INTS3: variants seen among roughly 807,000 people sequenced by gnomAD.
The protein encoded by INTS3 is SOSS complex subunit A.
Under a neutral mutation model 146.3 loss-of-function variants are expected in INTS3, and 34 were observed. The observed-to-expected ratio is 0.23, with a 90% confidence interval of 0.18 to 0.31. The LOEUF is 0.31. Among genes scored for constraint, INTS3 ranks in the 10% least tolerant of loss-of-function variants. The pLI, the probability that INTS3 is intolerant of heterozygous loss-of-function variation, is 1.00. For missense variants in INTS3, 757 were observed against 1,304.2 expected, an observed-to-expected ratio of 0.58 and a Z score of 6.46; for synonymous variants, 475 against 494.9, an observed-to-expected ratio of 0.96 and a Z score of 0.53.
chr1:153,750,516 A>G lies in INTS3; in HGVS notation c.585-579A>G, dbSNP rs369935386. On this transcript the variant is annotated intron_variant, in intron 6 of 29. Transcript: ENST00000318967. ...AGTGGGGACTCGTTGTGTATCAGTG[A>G]CTAGATAGAGCCAGGGAAAGGTTTG... 9.9e-5 allele frequency among the ~76,000 whole-genome samples: 15 copies of G among 152,234 alleles called. No homozygotes were observed. In the South Asian group the frequency reaches 2.9e-3, roughly 29 times the overall value.
Position 153,757,586 on chromosome 1 carries a change from A to G in INTS3, c.972A>G (p.Gln324=), listed in dbSNP as rs755029012. 3.1e-6 allele frequency: 5 copies of G among 1,613,806 alleles called. No homozygotes were observed. Among genetic ancestry groups the G allele is most frequent in the East Asian group, 2.2e-5 (1 of 44,874 alleles). ...LFMTSRVRFG[Q]QKRYQDWFQR... is the part of the protein sequence containing the mutation. ...CCTTTCCCCAGGTGCGATTTGGTCA[A>G]CAAAAGCGATACCAAGATTGGTTCC... The change falls in exon 10 of 30, where the codon CAA becomes CAG. Residue 324 remains glutamine (Q), a synonymous_variant. Transcript: ENST00000318967. This position sits in a 1 kb window ranked among gnomAD's most constrained non-coding sequence, Gnocchi z 4.0.
At position 153,728,601 on chromosome 1, in the gene INTS3, C is replaced by T. The variant is rs1439621957; in HGVS notation, c.-34C>T. 5 of 1,588,358 alleles carry T rather than the reference C, an allele frequency of 3.1e-6. No homozygotes were observed. The highest frequency in any genetic ancestry group is 8.5e-7 in the Non-Finnish European group (1 of 1,170,774). ...ATATCTAGGACTGTCCATCCATCCA[C>T]TCCCTGACCTTTTCCCGGCTCCTGG... On this transcript the variant is annotated 5_prime_UTR_variant, in exon 1 of 30. Transcript: ENST00000318967.
chr1:153,748,673 C>T lies in INTS3; in HGVS notation c.518-16C>T. 6.2e-7 allele frequency: 1 copy of T among 1,609,754 alleles called. No individual in the cohort carries two copies. Among genetic ancestry groups the T allele is most frequent in the Non-Finnish European group, 8.5e-7 (1 of 1,176,066 alleles). ...TGCTAATCGGAGCTATTCTTTTTTT[C>T]CCCTTTTGAAATCAGGTGGAGATGT... On this transcript the variant is annotated splice_polypyrimidine_tract_variant and intron_variant, in intron 5 of 29. Coordinates refer to ENST00000318967, the MANE Select transcript of INTS3 (RefSeq NM_023015.5).
intron 2 of INTS3, among the ~76,000 whole-genome samples, chr1:153,741,018 A>G (rs1270803700): frequency 1.3e-5 from 2 of 152,200 alleles, no homozygotes; most frequent in Admixed American, 1.3e-4. Context: ...ATAGTGCACT[A>G]TAGCCTTGAA....
intron 11 of INTS3, chr1:153,759,959 G>A (rs1672310672): frequency 2.0e-6 from 1 of 489,440 alleles, no homozygotes; most frequent in Admixed American, 3.6e-5. Flanking sequence ...AGGGCTACAA[G>A]CTGTTTCGGG....
In INTS3 at chr1:153,772,620, C is replaced by T. The variant is rs751467638; in HGVS notation, c.2822-19C>T. The T allele has an allele frequency of 1.2e-6, 2 of 1,614,204 alleles. No homozygotes were observed. The highest frequency in any genetic ancestry group is 4.5e-5 in the East Asian group (2 of 44,884). On this transcript the variant is annotated intron_variant, in intron 27 of 29. Coordinates refer to ENST00000318967, the MANE Select transcript of INTS3 (RefSeq NM_023015.5). The surrounding 1 kb of genome is among the most constrained non-coding windows in gnomAD (Gnocchi z 4.6). ...ATCTGATTGTTTTTCCTTCCCTGCT[C>T]TCCCTTTTCTTCCTCTAGTTTTTAG...
chr1:153,772,905 C>T lies in INTS3; in HGVS notation c.2895-20C>T. On this transcript the variant is annotated intron_variant, in intron 28 of 29. Transcript: ENST00000318967. The surrounding 1 kb of genome is among the most constrained non-coding windows in gnomAD (Gnocchi z 4.6). ...GAGCAGCAGGCTCCCACTCAAAGAG[C>T]TACCGCTCCTTTTCCTTAGATTCAG... The T allele has an allele frequency of 6.2e-7, 1 of 1,613,940 alleles. No homozygotes were observed. The highest frequency in any genetic ancestry group is 8.5e-7 in the Non-Finnish European group (1 of 1,179,946).
intron 4 of INTS3, 73 bp from the exon 5 acceptor site, chr1:153,747,206 G>A: frequency 7.2e-7 from 1 of 1,398,120 alleles, no homozygotes; most frequent in Non-Finnish European, 1.0e-6. Flanking sequence ...GCTCCTTTCA[G>A]TTGTAATTGA....
At chr1:153,737,251 G>T (rs976255537) in intron 1 of INTS3, among the ~76,000 whole-genome samples, 20 of 152,166 alleles carry the variant, frequency 1.3e-4, no homozygotes, top group African/African-American at 4.6e-4. Flanking sequence ...TTCTTAAACA[G>T]TTTTTGGGTT....
chr1:153,770,074 T>G, intron 23 of INTS3, 124 bp from the exon 24 acceptor site: 3 of 425,106 alleles, frequency 7.1e-6, no homozygotes. Flanking sequence ...TGTGTGTGTG[T>G]GTGTGTGTGT....
chr1:153,757,657 A>G lies in INTS3; in HGVS notation c.1043A>G (p.Asp348Gly), dbSNP rs746652077. Residue 348 changes from aspartate to glycine, a missense_variant, in exon 10 of 30, where the codon GAC (aspartate) becomes GGC (glycine). Asp to Gly is a moderately conservative substitution (Grantham distance 94). Around this residue, in one of 8 missense-constraint regions of INTS3, gnomAD observed 134 missense variants for 243.1 expected, o/e 0.55. Transcript: ENST00000318967. The surrounding 1 kb of genome is among the most constrained non-coding windows in gnomAD (Gnocchi z 4.0). ...STPDSQSLRC[D>G]LIRYICGVVH... ...CCAGATAGTCAGTCTCTGCGCTGTG[A>G]CCTCATTCGCTACATCTGTGGGGTA... 1 of 1,614,122 alleles carries G rather than the reference A, an allele frequency of 6.2e-7. No homozygotes were observed.
intron 3 of INTS3, among the ~76,000 whole-genome samples, chr1:153,746,364 G>C (rs1292178700): frequency 2.6e-5 from 4 of 152,220 alleles, no homozygotes. Flanking sequence ...GACAGGGATA[G>C]TACTAGGAGC....
At chr1:153,729,360 A>C (rs1416498414) in intron 1 of INTS3, among the ~76,000 whole-genome samples, 1 of 152,118 alleles carries the variant, frequency 6.6e-6, no homozygotes, top group African/African-American at 2.4e-5. Context: ...TACCTAGGGG[A>C]TTCTCCTTCA....
At chr1:153,755,759 C>T (rs1672135840) in intron 9 of INTS3, among the ~76,000 whole-genome samples, 1 of 152,180 alleles carries the variant, frequency 6.6e-6, no homozygotes, top group Non-Finnish European at 1.5e-5. Context: ...AAATTCTTGG[C>T]CGGACGCAGT....
chr1:153,745,012 C>T (rs1460590034), intron 3 of INTS3, among the ~76,000 whole-genome samples: 1 of 151,988 alleles, frequency 6.6e-6, no homozygotes, highest in African/African-American at 2.4e-5. Context: ...ATTTCCTCAT[C>T]TGTAAAAATA....
Position 153,773,425 on chromosome 1 carries a change from T to C in INTS3, c.*155T>C, listed in dbSNP as rs1672991905. The stretch of plus-strand genomic sequence containing the variant: ...GAGGAGCTTTCTCCTCTGGCTGAGT[T>C]TGAGAAGCTGCCATGCAGCCCCTAG... On this transcript the variant is annotated 3_prime_UTR_variant, in exon 30 of 30. Coordinates refer to ENST00000318967, the MANE Select transcript of INTS3 (RefSeq NM_023015.5). 20 of 712,728 alleles carry C rather than the reference T, an allele frequency of 2.8e-5. No homozygotes were observed. In the South Asian group the frequency reaches 3.4e-4, roughly 12 times the overall value. The allele number at this position is 712,728 out of a possible 1,614,324, so 44.2% of individuals were successfully genotyped here.
At chr1:153,753,068 C>CA (rs1174949706) in intron 8 of INTS3, among the ~76,000 whole-genome samples, 4 of 151,950 alleles carry the variant, frequency 2.6e-5, no homozygotes, top group Admixed American at 2.6e-4. Context: ...CACACACACA[C>CA]ACTCACTCTG....
chr1:153,738,973 A>G (rs1671412385), intron 1 of INTS3, among the ~76,000 whole-genome samples: 1 of 151,148 alleles, frequency 6.6e-6, no homozygotes, highest in South Asian at 2.1e-4. Context: ...AGCTCACTGC[A>G]AACTCTGCCT....
At chr1:153,745,519 G>A (rs1671696598) in intron 3 of INTS3, among the ~76,000 whole-genome samples, 1 of 152,046 alleles carries the variant, frequency 6.6e-6, no homozygotes. Context: ...TTCAGAGGTT[G>A]TGGGAAGCTA....
Sources: allele counts gnomAD v4.1 joint callset (sites outside exome capture counted in the v4.1 genomes callset), GRCh38; gene constraint gnomAD v4.1.1; regional missense constraint gnomAD v4.1.1; non-coding constraint Gnocchi (gnomAD v3.1); transcripts MANE v1.5; gene names NCBI Gene and HGNC (gene_info 2026-07-23, HGNC 2026-07-21).